The following KBTBD8 variants were observed in gnomAD, a reference collection of about 807,000 sequenced individuals.
KBTBD8 encodes kelch repeat and BTB domain-containing protein 8.
Under a neutral mutation model 53.5 loss-of-function variants are expected in KBTBD8, and 31 were observed. The ratio of observed to expected loss-of-function variants is 0.58; its 90% CI spans 0.44 to 0.78. The LOEUF is 0.78. Ranked by LOEUF, KBTBD8 falls within the 30% of genes least tolerant of loss-of-function variation. The probability of loss-of-function intolerance (pLI) is 0.00; values close to 1 mark genes in which losing one functional copy is unlikely to be tolerated. For missense variants in KBTBD8, 642 were observed against 735.8 expected, an observed-to-expected ratio of 0.87 and a Z score of 1.48; for synonymous variants, 250 against 247.3, an observed-to-expected ratio of 1.01 and a Z score of -0.10.
At position 67,010,472 on chromosome 3, in the gene KBTBD8, C is replaced by A. The variant is rs866310846; in HGVS notation, c.*2087C>A. 1 of 152,510 alleles carries A rather than the reference C, an allele frequency of 6.6e-6. No individual in the cohort carries two copies. Among genetic ancestry groups the A allele is most frequent in the African/African-American group, 2.4e-5 (1 of 41,418 alleles). The allele number at this position is 152,510 out of a possible 1,614,324, so 9.4% of individuals were successfully genotyped here. A position where few individuals can be genotyped will look rare whatever the true frequency, so the allele number is the denominator to read the frequency against. ...TGGCTAATTCAACAGTAGATTTATT[C>A]TTTTAGCCTGCACAACAGTTGATCT... On this transcript the variant is annotated 3_prime_UTR_variant, in exon 4 of 4. Transcript: ENST00000417314.
intron 3 of KBTBD8, among the ~76,000 whole-genome samples, chr3:67,006,633 T>C (rs1702066070): frequency 6.6e-6 from 1 of 152,230 alleles, no homozygotes; most frequent in South Asian, 2.1e-4. Context: ...TTTAAGTTAG[T>C]TGAAGGCAAA....
At position 67,003,508 on chromosome 3, in the gene KBTBD8, T is replaced by C. The variant is rs1181573901; in HGVS notation, c.541T>C (p.Cys181Arg). The C allele has an allele frequency of 1.9e-6, 3 of 1,614,122 alleles. No individual in the cohort carries two copies. The African/African-American group carries it at 4.0e-5, about 22-fold the overall frequency. ...AGAATACATTCGTAAAAAGTTTCTG[T>C]GTGTCACCAAAGAACAAGAGTTTCT... ...SKEYIRKKFL[C>R]VTKEQEFLQL... The change falls in exon 3 of 4, where the codon TGT becomes CGT. Residue 181 changes from cysteine (C) to arginine (R), a missense_variant. Physicochemically the swap from Cys to Arg is radical, Grantham distance 180. Coordinates refer to ENST00000417314, the MANE Select transcript of KBTBD8 (RefSeq NM_032505.3).
In KBTBD8 at chr3:67,005,902, C is replaced by T. The variant is rs146569332; in HGVS notation, c.1342+1593C>T. 2.0e-3 allele frequency among the ~76,000 whole-genome samples: 298 copies of T among 152,212 alleles called. 11 individuals are homozygous for T. In the East Asian group the frequency reaches 0.051, roughly 26 times the overall value. ...TGAACTCCTGACCTGCAGTGATCCA[C>T]CCACCTTGGCCTCCCACCATTGTTT... On this transcript the variant is annotated intron_variant, in intron 3 of 3. Transcript: ENST00000417314.
Position 67,003,593 on chromosome 3 carries a change from G to T in KBTBD8, c.626G>T (p.Arg209Leu). The change falls in exon 3 of 4, where the codon CGA (arginine) becomes CTA (leucine). Residue 209 changes from arginine (R) to leucine (L), a missense_variant. Physicochemically the swap from Arg to Leu is moderately radical, Grantham distance 102. Transcript: ENST00000417314. ...ILDSDDLNVD[R>L]EEHVYESIIR... ...GACAGTGACGATTTAAATGTAGACC[G>T]AGAAGAGCATGTTTATGAAAGCATT... 1 of 1,613,922 alleles carries T rather than the reference G, an allele frequency of 6.2e-7. No homozygotes were observed. Among genetic ancestry groups the T allele is most frequent in the East Asian group, 2.2e-5 (1 of 44,874 alleles).
intron 3 of KBTBD8, among the ~76,000 whole-genome samples, chr3:67,004,900 A>G (rs1351599600): frequency 6.6e-6 from 1 of 152,208 alleles, no homozygotes; most frequent in Non-Finnish European, 1.5e-5. Flanking sequence ...GTTGCCTTTC[A>G]TAATACATTT....
chr3:67,003,565 C>G lies in KBTBD8; in HGVS notation c.598C>G (p.Leu200Val), dbSNP rs533032734. 1.2e-6 allele frequency: 2 copies of G among 1,613,994 alleles called. No individual in the cohort carries two copies. The highest frequency in any genetic ancestry group is 1.1e-5 in the South Asian group (1 of 91,080). The change falls in exon 3 of 4, where the codon CTA becomes GTA. Residue 200 changes from leucine to valine, a missense_variant. Leu to Val is a conservative substitution (Grantham distance 32). Transcript: ENST00000417314. ...QLTKDQLISI[L>V]DSDDLNVDRE... ...GACAAAAGACCAACTGATAAGTATA[C>G]TAGACAGTGACGATTTAAATGTAGA...
chr3:66,999,541 T>G (rs1701998063), intron 2 of KBTBD8, among the ~76,000 whole-genome samples: 1 of 152,224 alleles, frequency 6.6e-6, no homozygotes, highest in South Asian at 2.1e-4. Flanking sequence ...GTTCCCCAGG[T>G]ACACTAAATA....
intron 2 of KBTBD8, among the ~76,000 whole-genome samples, chr3:67,000,405 A>G (rs1314280012): frequency 6.6e-6 from 1 of 152,218 alleles, no homozygotes; most frequent in Non-Finnish European, 1.5e-5. Context: ...GGTCATTTGT[A>G]TGTTTAAATA....
At position 67,003,289 on chromosome 3, in the gene KBTBD8, G is replaced by A; in HGVS notation, c.322G>A (p.Ala108Thr). Residue 108 changes from alanine (A) to threonine (T), a missense_variant, in exon 3 of 4, where the codon GCC becomes ACC. Transcript: ENST00000417314. Reference protein sequence around the residue: ...AESMDLVLNYAYTSRVILTEA... With the variant: ...AESMDLVLNYTYTSRVILTEA... ...ATCGATGGATTTAGTGTTGAACTAT[G>A]CCTACACTTCCAGAGTTATTCTTAC... 6.2e-7 allele frequency: 1 copy of A among 1,614,030 alleles called. No individual in the cohort carries two copies. Among genetic ancestry groups the A allele is most frequent in the Non-Finnish European group, 8.5e-7 (1 of 1,179,930 alleles).
At position 67,003,593 on chromosome 3, in the gene KBTBD8, G is replaced by A. The variant is rs758849572; in HGVS notation, c.626G>A (p.Arg209Gln). Residue 209 changes from arginine to glutamine, a missense_variant, in exon 3 of 4, where the codon CGA becomes CAA. Transcript: ENST00000417314. ...GACAGTGACGATTTAAATGTAGACC[G>A]AGAAGAGCATGTTTATGAAAGCATT... Reference protein sequence around the residue: ...ILDSDDLNVDREEHVYESIIR... With the variant: ...ILDSDDLNVDQEEHVYESIIR... 2.5e-6 allele frequency: 4 copies of A among 1,613,804 alleles called. No individual in the cohort carries two copies. In the African/African-American group the frequency reaches 4.0e-5, roughly 16 times the overall value.
chr3:67,000,351 T>C (rs1345430271), intron 2 of KBTBD8, among the ~76,000 whole-genome samples: 2 of 152,248 alleles, frequency 1.3e-5, no homozygotes, highest in African/African-American at 2.4e-5. Flanking sequence ...AATGGAAACT[T>C]CTAGTGAGAT....
At chr3:66,998,578 C>T (rs1419730465) in intron 1 of KBTBD8, among the ~76,000 whole-genome samples, 1 of 152,108 alleles carries the variant, frequency 6.6e-6, no homozygotes, top group Non-Finnish European at 1.5e-5. Context: ...TGGGTACCCG[C>T]CGGCGCTGCG....
At position 67,003,596 on chromosome 3, in the gene KBTBD8, A is replaced by T; in HGVS notation, c.629A>T (p.Glu210Val). 1 of 1,614,020 alleles carries T rather than the reference A, an allele frequency of 6.2e-7. No individual in the cohort carries two copies. Among genetic ancestry groups the T allele is most frequent in the Non-Finnish European group, 8.5e-7 (1 of 1,179,910 alleles). ...LDSDDLNVDR[E>V]EHVYESIIRW... ...AGTGACGATTTAAATGTAGACCGAG[A>T]AGAGCATGTTTATGAAAGCATTATA... The change falls in exon 3 of 4, where the codon GAA becomes GTA. Residue 210 changes from glutamate (E) to valine (V), a missense_variant. Physicochemically the swap from Glu to Val is moderately radical, Grantham distance 121. Coordinates refer to ENST00000417314, the MANE Select transcript of KBTBD8 (RefSeq NM_032505.3).
At position 66,999,042 on chromosome 3, in the gene KBTBD8, C is replaced by T. The variant is rs1701991233; in HGVS notation, c.78C>T (p.Ala26=). ...GIPSSDPASD[A]MDPFHACSIL... ...CATCTTCAGACCCAGCCAGCGATGC[C>T]ATGGACCCCTTCCATGCTTGCAGTA... The change falls in exon 2 of 4, where the codon GCC becomes GCT. Residue 26 remains alanine, a synonymous_variant. Transcript: ENST00000417314. The T allele has an allele frequency of 6.2e-7, 1 of 1,614,176 alleles. No individual in the cohort carries two copies. Among genetic ancestry groups the T allele is most frequent in the Non-Finnish European group, 8.5e-7 (1 of 1,180,022 alleles).
Position 67,008,625 on chromosome 3 carries a change from C to A in KBTBD8, c.*240C>A, listed in dbSNP as rs149606575. ...TTTTTTTTCCTGGCATAAAATTAATCATTTCATTTTATAATTTTGTGATAA... is the reference window on the plus strand; with the variant it reads ...TTTTTTTTCCTGGCATAAAATTAATAATTTCATTTTATAATTTTGTGATAA... On this transcript the variant is annotated 3_prime_UTR_variant, in exon 4 of 4. Coordinates refer to ENST00000417314, the MANE Select transcript of KBTBD8 (RefSeq NM_032505.3). The A allele has an allele frequency of 3.9e-5, 18 of 460,116 alleles. No individual in the cohort carries two copies. Among genetic ancestry groups the A allele is most frequent in the African/African-American group, 3.3e-4 (17 of 51,682 alleles). 28.5% of individuals were successfully genotyped at this position (460,116 alleles called of 1,614,324 possible).
chr3:67,009,669 T>C lies in KBTBD8; in HGVS notation c.*1284T>C, dbSNP rs1702100739. 2 of 152,568 alleles carry C rather than the reference T, an allele frequency of 1.3e-5. No individual in the cohort carries two copies. Among genetic ancestry groups the C allele is most frequent in the African/African-American group, 2.4e-5 (1 of 41,434 alleles). The allele number at this position is 152,568 out of a possible 1,614,324, so 9.5% of individuals were successfully genotyped here. Reference sequence around the variant, plus strand: ...CTAGGTACTAAAGCATTTTTTGCATTTAACTGATGAAATTTCTAACAATCA... The same window carrying C: ...CTAGGTACTAAAGCATTTTTTGCATCTAACTGATGAAATTTCTAACAATCA... On this transcript the variant is annotated 3_prime_UTR_variant, in exon 4 of 4. Transcript: ENST00000417314.
Position 67,008,307 on chromosome 3 carries a change from T to A in KBTBD8, c.1728T>A (p.Asp576Glu). 1 of 1,613,672 alleles carries A rather than the reference T, an allele frequency of 6.2e-7. No homozygotes were observed. The highest frequency in any genetic ancestry group is 8.5e-7 in the Non-Finnish European group (1 of 1,179,990). The part of the protein sequence containing the change: ...DQWMKVYETP[D>E]RLWDLGRHFE... The stretch of plus-strand genomic sequence containing the variant: ...GGATGAAAGTGTATGAGACCCCAGA[T>A]CGGCTCTGGGACCTTGGCCGGCATT... Residue 576 changes from aspartate (D) to glutamate (E), a missense_variant, in exon 4 of 4, where the codon GAT becomes GAA. Physicochemically the swap from Asp to Glu is conservative, Grantham distance 45. Transcript: ENST00000417314.
At chr3:67,007,691 A>G (rs185565568) in intron 3 of KBTBD8, among the ~76,000 whole-genome samples, 26 of 152,168 alleles carry the variant, frequency 1.7e-4, no homozygotes, top group African/African-American at 6.3e-4. Flanking sequence ...AAACCTCCCA[A>G]TTCAGGTTGA....
intron 1 of KBTBD8, 146 bp downstream of exon 1, chr3:66,998,517 T>C (rs1032575198): frequency 8.3e-6 from 4 of 479,572 alleles, no homozygotes; most frequent in African/African-American, 6.2e-5. Flanking sequence ...AGAGGGAGGA[T>C]GAATGGTGCG....
Sources: allele counts gnomAD v4.1 joint callset (sites outside exome capture counted in the v4.1 genomes callset), GRCh38; gene constraint gnomAD v4.1.1; transcripts MANE v1.5; gene names NCBI Gene and HGNC (gene_info 2026-07-23, HGNC 2026-07-21).